ADGRB1: variants seen among roughly 807,000 people sequenced by gnomAD.
The protein encoded by ADGRB1 is adhesion G protein-coupled receptor B1.
ADGRB1 carries 36 observed loss-of-function variants against 175.7 expected under a neutral mutation model. The observed-to-expected ratio is 0.20, with a 90% CI of 0.16 to 0.27. ADGRB1 has a LOEUF of 0.27. Ranked by LOEUF, ADGRB1 falls within the 10% of genes least tolerant of loss-of-function variation. The pLI is 1.00. For synonymous variants in ADGRB1, 1,054 were observed against 979.4 expected (o/e 1.08, Z -1.42); for missense variants, 1,731 against 2,255.3 (o/e 0.77, Z 4.71).
chr8:142,502,123 TG>T (rs1476430307), intron 17 of ADGRB1, among the ~76,000 whole-genome samples: 15 of 16,886 alleles, frequency 8.9e-4, no homozygotes, highest in East Asian at 1.9e-3. Flanking sequence ...GGTGAGGTGG[TG>T]GGGGTGATTA....
chr8:142,469,689 A>G, intron 2 of ADGRB1, among the ~76,000 whole-genome samples: 1 of 129,064 alleles, frequency 7.7e-6, no homozygotes, highest in African/African-American at 2.9e-5. Flanking sequence ...ATGTGTGTGA[A>G]TGTGTGCGTG....
Position 142,474,428 on chromosome 8 carries a change from A to G in ADGRB1, c.785-1046A>G, listed in dbSNP as rs545240856. ...CTGCATGCCCTTTCCAAGTCGCCCG[A>G]CCCTGCTGCACAGGGTGTACATGAG... On this transcript the variant is annotated intron_variant, in intron 2 of 30. Transcript: ENST00000517894. This position sits in a 1 kb window ranked among gnomAD's most constrained non-coding sequence, Gnocchi z 5.8. Among the ~76,000 whole-genome samples the G allele has an allele frequency of 3.3e-5, 5 of 152,106 alleles. No homozygotes were observed. Among genetic ancestry groups the G allele is most frequent in the African/African-American group, 1.2e-4 (5 of 41,488 alleles).
In ADGRB1 at chr8:142,543,760, C is replaced by T. The variant is rs1450968245; in HGVS notation, c.4557+52C>T. Reference sequence around the variant, plus strand: ...GGGGAGAGCCCTTAGGTCAGGCCACCGTCTCCCTTCTTCCCTGGATTTGTG... The same window carrying T: ...GGGGAGAGCCCTTAGGTCAGGCCACTGTCTCCCTTCTTCCCTGGATTTGTG... On this transcript the variant is annotated intron_variant, in intron 30 of 30. Coordinates refer to ENST00000517894, the MANE Select transcript of ADGRB1 (RefSeq NM_001702.3). This position sits in a 1 kb window ranked among gnomAD's most constrained non-coding sequence, Gnocchi z 4.4. 4.8e-6 allele frequency: 7 copies of T among 1,462,452 alleles called. No homozygotes were observed. The highest frequency in any genetic ancestry group is 1.8e-4 in the Middle Eastern group (1 of 5,606). 90.6% of individuals were successfully genotyped at this position (1,462,452 alleles called of 1,614,324 possible). A position where few individuals can be genotyped will look rare whatever the true frequency, so the allele number is the denominator to read the frequency against.
chr8:142,527,989 A>G (rs1459226024), intron 24 of ADGRB1, among the ~76,000 whole-genome samples: 1 of 152,200 alleles, frequency 6.6e-6, no homozygotes, highest in Non-Finnish European at 1.5e-5. Context: ...CACGGGGGCC[A>G]GCTGCGTTAG....
chr8:142,522,566 G>C, intron 21 of ADGRB1, 75 bp from the exon 22 acceptor site: 1 of 1,417,324 alleles, frequency 7.1e-7, no homozygotes, highest in Non-Finnish European at 9.5e-7. Context: ...CGCCCTTCAC[G>C]GCAGGGCTAG....
chr8:142,486,161 A>T (rs1382125327), intron 13 of ADGRB1, among the ~76,000 whole-genome samples: 1 of 151,888 alleles, frequency 6.6e-6, no homozygotes, highest in Admixed American at 6.6e-5. Context: ...GCTCAGCCTC[A>T]CTCACTCCCA....
chr8:142,522,745 A>T (rs1311233523), intron 22 of ADGRB1, 35 bp downstream of exon 22: 1 of 1,460,358 alleles, frequency 6.8e-7, no homozygotes, highest in Non-Finnish European at 9.0e-7. Flanking sequence ...GTGGATGGCC[A>T]CATGGCCCCC....
rs771263376 is a variant in ADGRB1 at position 142,542,545 on chromosome 8, C to G, written c.4311C>G (p.Pro1437=). 4 of 1,520,120 alleles carry G rather than the reference C, an allele frequency of 2.6e-6. 1 individual carries two copies. The highest frequency in any genetic ancestry group is 2.9e-5 in the African/African-American group (2 of 69,770). 94.2% of individuals were successfully genotyped at this position (1,520,120 alleles called of 1,614,324 possible). A position where few individuals can be genotyped will look rare whatever the true frequency, so the allele number is the denominator to read the frequency against. ...PPPPNLEPAP[P]SLGDPGEPAA... The stretch of plus-strand genomic sequence containing the variant: ...CGCCCAATCTGGAGCCGGCACCCCC[C>G]AGCCTGGGGGATCCCGGGGAGCCTG... The change falls in exon 28 of 31, where the codon CCC becomes CCG. Residue 1437 remains proline, a synonymous_variant. Transcript: ENST00000517894. The surrounding 1 kb of genome is among the most constrained non-coding windows in gnomAD (Gnocchi z 6.3).
At chr8:142,541,903 C>T in intron 27 of ADGRB1, 38 bp from the exon 28 acceptor site, 2 of 1,510,324 alleles carry the variant, frequency 1.3e-6, no homozygotes, top group East Asian at 2.5e-5. Context: ...TCCTCACCCC[C>T]ACACCTGTCC....
In ADGRB1 at chr8:142,518,215, G is replaced by A; in HGVS notation, c.2895G>A (p.Leu965=). Residue 965 remains leucine, a synonymous_variant, in exon 19 of 31, where the codon CTG becomes CTA. Transcript: ENST00000517894. ...CGVSSLTLLM[L]VIIYVSVWRY... ...TGTCCTCTCTCACCCTGCTCATGCT[G>A]GTCATCATCTACGTGTCCGTGTGGA... 2.5e-6 allele frequency: 4 copies of A among 1,613,790 alleles called. No homozygotes were observed. Among genetic ancestry groups the A allele is most frequent in the Non-Finnish European group, 3.4e-6 (4 of 1,179,798 alleles).
rs372680656 is a variant in ADGRB1 at position 142,526,636 on chromosome 8, G to C, written c.3398+9G>C. 1.9e-6 allele frequency: 3 copies of C among 1,607,138 alleles called. No individual in the cohort carries two copies. The highest frequency in any genetic ancestry group is 2.2e-5 in the South Asian group (2 of 89,402). ...CTGAAGGAGCGGGCAGGGTAGGACC[G>C]GGGCTACGCGGCTCCTTGCCCACCC... On this transcript the variant is annotated intron_variant, in intron 24 of 30. Coordinates refer to ENST00000517894, the MANE Select transcript of ADGRB1 (RefSeq NM_001702.3).
chr8:142,533,908 G>A (rs576432054), intron 25 of ADGRB1, among the ~76,000 whole-genome samples: 172 of 152,350 alleles, frequency 1.1e-3, no homozygotes, highest in African/African-American at 4.0e-3. Flanking sequence ...TGGTGGCCAC[G>A]ATTGGGATGC....
chr8:142,478,482 G>A (rs1247565117), intron 7 of ADGRB1, 122 bp downstream of exon 7: 2 of 1,203,228 alleles, frequency 1.7e-6, no homozygotes, highest in East Asian at 2.6e-5. Flanking sequence ...AGGAGGGAGT[G>A]GGGTGCACAG....
intron 3 of ADGRB1, 43 bp from the exon 4 acceptor site, chr8:142,476,542 G>C (rs1291549391): frequency 1.8e-5 from 27 of 1,517,818 alleles, no homozygotes; most frequent in Non-Finnish European, 2.1e-5. Context: ...GAGAGGACGG[G>C]GGCAAAGAAC....
At position 142,457,091 on chromosome 8, in the gene ADGRB1, C is replaced by A. The variant is rs545750639; in HGVS notation, c.-219-6889C>A. On this transcript the variant is annotated intron_variant, in intron 1 of 30. Transcript: ENST00000517894. ...GTGGCTTGGGGTGATGAGCCCTAGA[C>A]TACGGGAGATGCAGTGAGGCCCGGA... 4.6e-5 allele frequency among the ~76,000 whole-genome samples: 7 copies of A among 152,298 alleles called. No homozygotes were observed. The East Asian group carries it at 1.4e-3, about 29-fold the overall frequency.
chr8:142,496,130 C>T (rs111066435), intron 17 of ADGRB1, among the ~76,000 whole-genome samples: 188 of 52,994 alleles, frequency 3.5e-3, no homozygotes, highest in African/African-American at 0.013. Flanking sequence ...GATGGGTGGA[C>T]GGGTGAATAG....
At chr8:142,485,591 A>C (rs532354618) in intron 13 of ADGRB1, among the ~76,000 whole-genome samples, 1 of 152,148 alleles carries the variant, frequency 6.6e-6, no homozygotes, top group Non-Finnish European at 1.5e-5. Flanking sequence ...GGGATGCTTC[A>C]CCTTTAGTGA....
Position 142,464,866 on chromosome 8 carries a change from C to G in ADGRB1, c.668C>G (p.Pro223Arg). 1 of 1,521,470 alleles carries G rather than the reference C, an allele frequency of 6.6e-7. No individual in the cohort carries two copies. Among genetic ancestry groups the G allele is most frequent in the Non-Finnish European group, 8.8e-7 (1 of 1,140,342 alleles). The allele number at this position is 1,521,470 out of a possible 1,614,324, so 94.2% of individuals were successfully genotyped here. A position where few individuals can be genotyped will look rare whatever the true frequency, so the allele number is the denominator to read the frequency against. The change falls in exon 2 of 31, where the codon CCT (proline) becomes CGT (arginine). Residue 223 changes from proline to arginine, a missense_variant. Physicochemically the swap from Pro to Arg is moderately radical, Grantham distance 103. This residue lies in a region of ADGRB1 where 383 missense variants were observed against 383.1 expected (regional missense o/e 1.00). Transcript: ENST00000517894. ...CACLGGEAGG[P>R]AAGPLAPRGD... ...TGCCTGGGCGGCGAGGCGGGCGGCCCTGCCGCGGGACCCCTGGCCCCCCGC... is the reference window on the plus strand; with the variant it reads ...TGCCTGGGCGGCGAGGCGGGCGGCCGTGCCGCGGGACCCCTGGCCCCCCGC...
intron 9 of ADGRB1, among the ~76,000 whole-genome samples, chr8:142,480,317 G>A (rs1841265862): frequency 6.6e-6 from 1 of 152,184 alleles, no homozygotes; most frequent in Admixed American, 6.5e-5. Context: ...TTCTGCCCTT[G>A]TTTGCTGTGT....
Sources: gnomAD v4.1 joint callset for allele counts (sites outside exome capture counted in the v4.1 genomes callset) on GRCh38, gnomAD v4.1.1 for gene constraint, gnomAD v4.1.1 regional missense constraint, Gnocchi (gnomAD v3.1) non-coding constraint, MANE v1.5 for transcripts, NCBI Gene and HGNC (gene_info 2026-07-23, HGNC 2026-07-21) for gene names.